LCAT: variants seen among roughly 807,000 people sequenced by gnomAD.
The protein encoded by LCAT is phosphatidylcholine-sterol acyltransferase.
Under a neutral mutation model 41.0 loss-of-function variants are expected in LCAT, and 15 were observed. The observed-to-expected ratio is 0.37, with a 90% confidence interval of 0.24 to 0.56. LCAT has a LOEUF of 0.56. LCAT is among the 20% of genes least tolerant of loss of function. LCAT has a pLI of 0.81. For synonymous variants in LCAT, 248 were observed against 245.4 expected, an observed-to-expected ratio of 1.01 and a Z score of -0.10; for missense variants, 449 against 595.1, an observed-to-expected ratio of 0.75 and a Z score of 2.55.
rs1361615927 is a variant in LCAT at position 67,942,113 on chromosome 16, G to A, written c.748+250C>T. Reference sequence around the variant, plus strand: ...GGGGCTACAAGAACAAACCCTGGGAGCAGATAGCTGGGATTCACTTTCTGT... The same window carrying A: ...GGGGCTACAAGAACAAACCCTGGGAACAGATAGCTGGGATTCACTTTCTGT... On this transcript the variant is annotated intron_variant, in intron 5 of 5. Coordinates refer to ENST00000264005, the MANE Select transcript of LCAT (RefSeq NM_000229.2). The surrounding 1 kb of genome is among the most constrained non-coding windows in gnomAD (Gnocchi z 6.6). 1.4e-6 allele frequency: 2 copies of A among 1,398,762 alleles called. No individual in the cohort carries two copies. The highest frequency in any genetic ancestry group is 1.4e-5 in the African/African-American group (1 of 69,422). The allele number at this position is 1,398,762 out of a possible 1,614,324, so 86.6% of individuals were successfully genotyped here. A position where few individuals can be genotyped will look rare whatever the true frequency, so the allele number is the denominator to read the frequency against.
Position 67,943,938 on chromosome 16 carries a change from G to C in LCAT, c.154+10C>G, listed in dbSNP as rs771059474. On this transcript the variant is annotated intron_variant, in intron 1 of 5. Coordinates refer to ENST00000264005, the MANE Select transcript of LCAT (RefSeq NM_000229.2). This position sits in a 1 kb window ranked among gnomAD's most constrained non-coding sequence, Gnocchi z 4.6. ...TGGCGTGGTGCATCAGGGGCCTGGT[G>C]GGGGCTTACCGAGGATGACGGGCCG... 3 of 1,543,488 alleles carry C rather than the reference G, an allele frequency of 1.9e-6. No homozygotes were observed. The highest frequency in any genetic ancestry group is 2.4e-5 in the South Asian group (2 of 83,120).
rs1053464889 is a variant in LCAT, at chr16:67,944,081, T to C, written c.21A>G (p.Pro7=). MGPPGS[P]WQWVTLLLGL... Reference sequence around the variant, plus strand: ...CCAGCAGCAGCGTCACCCACTGCCATGGGGAGCCGGGCGGCCCCATTCCAG... The same window carrying C: ...CCAGCAGCAGCGTCACCCACTGCCACGGGGAGCCGGGCGGCCCCATTCCAG... Residue 7 remains proline (P), a synonymous_variant, in exon 1 of 6, where the codon CCA becomes CCG. Coordinates refer to ENST00000264005, the MANE Select transcript of LCAT (RefSeq NM_000229.2). The surrounding 1 kb of genome is among the most constrained non-coding windows in gnomAD (Gnocchi z 6.6). 1.1e-5 allele frequency: 17 copies of C among 1,547,946 alleles called. No homozygotes were observed. The highest frequency in any genetic ancestry group is 1.5e-5 in the Non-Finnish European group (17 of 1,146,316).
At chr16:67,941,118 AC>A (rs2058288820) in intron 5 of LCAT, among the ~76,000 whole-genome samples, 1 of 152,182 alleles carries the variant, frequency 6.6e-6, no homozygotes, top group African/African-American at 2.4e-5. Context: ...AGCCTGGCCA[AC>A]ATGGGGAAAC....
In LCAT at chr16:67,944,048, C is replaced by A; in HGVS notation, c.54G>T (p.Leu18=). The part of the protein sequence containing the change: ...WQWVTLLLGL[L]LPPAAPFWLL... The stretch of plus-strand genomic sequence containing the variant: ...GCCAGAAGGGGGCGGCAGGAGGGAG[C>A]AGCAGCCCCAGCAGCAGCGTCACCC... The change falls in exon 1 of 6, where the codon CTG becomes CTT. Residue 18 remains leucine, a synonymous_variant. Transcript: ENST00000264005. This position sits in a 1 kb window ranked among gnomAD's most constrained non-coding sequence, Gnocchi z 6.6. 6.5e-7 allele frequency: 1 copy of A among 1,547,688 alleles called. No homozygotes were observed. Among genetic ancestry groups the A allele is most frequent in the Non-Finnish European group, 8.7e-7 (1 of 1,146,064 alleles).
At chr16:67,940,650 T>C (rs1201539602) in intron 5 of LCAT, 172 bp from the exon 6 acceptor site, 7 of 1,163,682 alleles carry the variant, frequency 6.0e-6, no homozygotes, top group Non-Finnish European at 8.3e-6. Context: ...CAGTGTCAGC[T>C]TACTCAATGA....
Position 67,943,009 on chromosome 16 carries a change from A to G in LCAT, c.312-33T>C. On this transcript the variant is annotated intron_variant, in intron 2 of 5. Coordinates refer to ENST00000264005, the MANE Select transcript of LCAT (RefSeq NM_000229.2). This position sits in a 1 kb window ranked among gnomAD's most constrained non-coding sequence, Gnocchi z 4.6. The stretch of plus-strand genomic sequence containing the variant: ...GCGGGGGTGCCACTCAGCAGCCAGT[A>G]GCCAAGGGGCAGCGTGTTGGGGCTA... 6.2e-7 allele frequency: 1 copy of G among 1,613,798 alleles called. No homozygotes were observed. Among genetic ancestry groups the G allele is most frequent in the Non-Finnish European group, 8.5e-7 (1 of 1,179,876 alleles).
In LCAT at chr16:67,939,766, T is replaced by G; in HGVS notation, c.*138A>C. On this transcript the variant is annotated 3_prime_UTR_variant, in exon 6 of 6. Transcript: ENST00000264005. The stretch of plus-strand genomic sequence containing the variant: ...AGGGTGCCCAGCTCAGTCCCAGGCC[T>G]CAGCAGAGCCCATCTTGCCTCACTG... 1 of 1,456,468 alleles carries G rather than the reference T, an allele frequency of 6.9e-7. No homozygotes were observed. The highest frequency in any genetic ancestry group is 1.9e-4 in the Middle Eastern group (1 of 5,264). 90.2% of individuals were successfully genotyped at this position (1,456,468 alleles called of 1,614,324 possible).
rs1055719644 is a variant in LCAT at position 67,943,141 on chromosome 16, G to A, written c.226C>T (p.Arg76Cys). The change falls in exon 2 of 6, where the codon CGC (arginine) becomes TGC (cysteine). Residue 76 changes from arginine (R) to cysteine (C), a missense_variant. Transcript: ENST00000264005. The surrounding 1 kb of genome is among the most constrained non-coding windows in gnomAD (Gnocchi z 4.6). Reference sequence around the variant, plus strand: ...ATGGTGAAGAAGTCCTCTGTCTTGCGGTAGCACATCCAGTTCACCACATCT... The same window carrying A: ...ATGGTGAAGAAGTCCTCTGTCTTGCAGTAGCACATCCAGTTCACCACATCT... ...KPDVVNWMCYRKTEDFFTIWL... is the reference protein window; with the variant it reads ...KPDVVNWMCYCKTEDFFTIWL... The A allele has an allele frequency of 6.2e-7, 1 of 1,613,912 alleles. No individual in the cohort carries two copies. The highest frequency in any genetic ancestry group is 2.2e-5 in the East Asian group (1 of 44,876).
chr16:67,943,612 G>A lies in LCAT; in HGVS notation c.154+336C>T. 2.0e-6 allele frequency: 1 copy of A among 507,162 alleles called. No individual in the cohort carries two copies. Among genetic ancestry groups the A allele is most frequent in the Non-Finnish European group, 3.6e-6 (1 of 279,166 alleles). 31.4% of individuals were successfully genotyped at this position (507,162 alleles called of 1,614,324 possible). On this transcript the variant is annotated intron_variant, in intron 1 of 5. Transcript: ENST00000264005. This position sits in a 1 kb window ranked among gnomAD's most constrained non-coding sequence, Gnocchi z 4.6. The stretch of plus-strand genomic sequence containing the variant: ...ATCCTGGGCTGGGCATCTTGTCCTT[G>A]GTGGGTGGGGGCCAAGGAAGGAGTG...
In LCAT at chr16:67,942,919, G is replaced by T; in HGVS notation, c.369C>A (p.Arg123=). The change falls in exon 3 of 6, where the codon CGC becomes CGA. Residue 123 remains arginine, a synonymous_variant. Transcript: ENST00000264005. The surrounding 1 kb of genome is among the most constrained non-coding windows in gnomAD (Gnocchi z 6.6). ...LVSNAPGVQI[R]VPGFGKTYSV... ...AGTAGGTCTTGCCAAAGCCAGGGAC[G>T]CGGATCTGGACACCAGGGGCGTTGG... is the stretch of plus-strand genomic sequence containing the variant. 2 of 1,613,912 alleles carry T rather than the reference G, an allele frequency of 1.2e-6. No homozygotes were observed. Among genetic ancestry groups the T allele is most frequent in the Non-Finnish European group, 1.7e-6 (2 of 1,179,986 alleles).
rs2151321143 is a variant in LCAT, at chr16:67,942,924, T to C, written c.364A>G (p.Ile122Val). ...GLVSNAPGVQ[I>V]RVPGFGKTYS... ...GTCTTGCCAAAGCCAGGGACGCGGA[T>C]CTGGACACCAGGGGCGTTGGACACG... The change falls in exon 3 of 6, where the codon ATC becomes GTC. Residue 122 changes from isoleucine (I) to valine (V), a missense_variant. Transcript: ENST00000264005. This position sits in a 1 kb window ranked among gnomAD's most constrained non-coding sequence, Gnocchi z 6.6. 1 of 1,613,882 alleles carries C rather than the reference T, an allele frequency of 6.2e-7. No homozygotes were observed. The highest frequency in any genetic ancestry group is 8.5e-7 in the Non-Finnish European group (1 of 1,179,964).
In LCAT at chr16:67,942,036, G is replaced by A. The variant is rs370196197; in HGVS notation, c.748+327C>T. 1.1e-5 allele frequency: 14 copies of A among 1,251,374 alleles called. No homozygotes were observed. The East Asian group carries it at 2.2e-4, about 20-fold the overall frequency. 77.5% of individuals were successfully genotyped at this position (1,251,374 alleles called of 1,614,324 possible). On this transcript the variant is annotated intron_variant, in intron 5 of 5. Coordinates refer to ENST00000264005, the MANE Select transcript of LCAT (RefSeq NM_000229.2). The surrounding 1 kb of genome is among the most constrained non-coding windows in gnomAD (Gnocchi z 6.6). ...TCAGTGAAGCACATCCCTGGGCAAAGGCACTCCTGCGAGCAAGTGGAAGGC... is the reference window on the plus strand; with the variant it reads ...TCAGTGAAGCACATCCCTGGGCAAAAGCACTCCTGCGAGCAAGTGGAAGGC...
At position 67,939,946 on chromosome 16, in the gene LCAT, A is replaced by AGGGG. The variant is rs1180690098; in HGVS notation, c.1277_1280dup (p.Ala428ProfsTer14). The AGGGG allele has an allele frequency of 6.2e-7, 1 of 1,613,398 alleles. No homozygotes were observed. Among genetic ancestry groups the AGGGG allele is most frequent in the African/African-American group, 1.3e-5 (1 of 74,928 alleles). On this transcript the variant is annotated frameshift_variant, in exon 6 of 6. Transcript: ENST00000264005. LOFTEE classifies it high-confidence loss of function. ...GCTCTGGGCTGGCAGTCGGGGATGC[A>AGGGG]GGGGGACCCTGGCGGTAGGCACCCA...
chr16:67,940,777 T>A (rs1293024037), intron 5 of LCAT: 3 of 389,318 alleles, frequency 7.7e-6, no homozygotes, highest in Non-Finnish European at 1.4e-5. Context: ...GGCAGGAGGA[T>A]CACTTGAGGC....
At position 67,940,281 on chromosome 16, in the gene LCAT, A is replaced by G. The variant is rs2151319954; in HGVS notation, c.946T>C (p.Tyr316His). ...AGGTCACGTGACTGCAGCCACATGT[A>G]CCAGCCTTCCTCAAAGTGCAGGTCT... ...FADLHFEEGW[Y>H]MWLQSRDLLA... is the part of the protein sequence containing the mutation. The change falls in exon 6 of 6, where the codon TAC (tyrosine) becomes CAC (histidine). Residue 316 changes from tyrosine (Y) to histidine (H), a missense_variant. Physicochemically the swap from Tyr to His is moderately conservative, Grantham distance 83. Transcript: ENST00000264005. 2 of 1,614,010 alleles carry G rather than the reference A, an allele frequency of 1.2e-6. No individual in the cohort carries two copies. The highest frequency in any genetic ancestry group is 8.5e-7 in the Non-Finnish European group (1 of 1,180,000).
At position 67,942,525 on chromosome 16, in the gene LCAT, C is replaced by T. The variant is rs775984613; in HGVS notation, c.586G>A (p.Gly196Arg). Residue 196 changes from glycine (G) to arginine (R), a missense_variant, in exon 5 of 6, where the codon GGG becomes AGG. Physicochemically the swap from Gly to Arg is moderately radical, Grantham distance 125. Transcript: ENST00000264005. This position sits in a 1 kb window ranked among gnomAD's most constrained non-coding sequence, Gnocchi z 6.6. ...GLVEEMHAAY[G>R]KPVFLIGHSL... is the part of the protein sequence containing the mutation. The stretch of plus-strand genomic sequence containing the variant: ...TGGCCAATGAGGAAGACAGGCTTCC[C>T]ATAGGCAGCGTGCATCTCCTCCACC... 1.9e-5 allele frequency: 31 copies of T among 1,613,550 alleles called. No individual in the cohort carries two copies. Among genetic ancestry groups the T allele is most frequent in the Non-Finnish European group, 2.5e-5 (30 of 1,180,014 alleles).
In LCAT at chr16:67,942,408, C is replaced by T; in HGVS notation, c.703G>A (p.Ala235Thr). ...GGCTTGATGGAGCCACCCCAGGGAG[C>T]CCCAAGAGAGATGAAGCCATCAATA... ...RFIDGFISLG[A>T]PWGGSIKPML... Residue 235 changes from alanine to threonine, a missense_variant, in exon 5 of 6, where the codon GCT becomes ACT. By Grantham distance (58) the Ala-to-Thr change is moderately conservative (BLOSUM62 0). Coordinates refer to ENST00000264005, the MANE Select transcript of LCAT (RefSeq NM_000229.2). The surrounding 1 kb of genome is among the most constrained non-coding windows in gnomAD (Gnocchi z 6.6). The T allele has an allele frequency of 6.2e-7, 1 of 1,613,992 alleles. No homozygotes were observed. Among genetic ancestry groups the T allele is most frequent in the African/African-American group, 1.3e-5 (1 of 75,054 alleles).
rs763505015 is a variant in LCAT at position 67,939,935 on chromosome 16, G to A, written c.1292C>T (p.Thr431Ile). 6 of 1,613,460 alleles carry A rather than the reference G, an allele frequency of 3.7e-6. No individual in the cohort carries two copies. The South Asian group carries it at 5.5e-5, about 15-fold the overall frequency. Residue 431 changes from threonine (T) to isoleucine (I), a missense_variant, in exon 6 of 6, where the codon ACT (threonine) becomes ATT (isoleucine). Coordinates refer to ENST00000264005, the MANE Select transcript of LCAT (RefSeq NM_000229.2). ...AGGAGGCGGGGGCTCTGGGCTGGCA[G>A]TCGGGGATGCAGGGGGACCCTGGCG... ...AYRQGPPASPTASPEPPPPE is the reference protein window; with the variant it reads ...AYRQGPPASPIASPEPPPPE
In LCAT at chr16:67,940,486, T is replaced by C; in HGVS notation, c.749-8A>G. 1 of 1,613,688 alleles carries C rather than the reference T, an allele frequency of 6.2e-7. No individual in the cohort carries two copies. The highest frequency in any genetic ancestry group is 8.5e-7 in the Non-Finnish European group (1 of 1,179,878). ...GGATGCCCTGGTTGTCACCTGTGGA[T>C]ATGGAGCAAGGTGGGACAGGGAGCC... On this transcript the variant is annotated splice_region_variant and splice_polypyrimidine_tract_variant and intron_variant, in intron 5 of 5. Coordinates refer to ENST00000264005, the MANE Select transcript of LCAT (RefSeq NM_000229.2).
Sources: gnomAD v4.1 joint callset for allele counts (sites outside exome capture counted in the v4.1 genomes callset) on GRCh38, gnomAD v4.1.1 for gene constraint, Gnocchi (gnomAD v3.1) non-coding constraint, MANE v1.5 for transcripts, NCBI Gene and HGNC (gene_info 2026-07-23, HGNC 2026-07-21) for gene names.